Variants in RASSF5 observed in about 807,000 individuals in gnomAD.
RASSF5 encodes the protein Ras association domain family member 5.
Under a neutral mutation model 40.5 loss-of-function variants are expected in RASSF5, and 25 were observed. That is an observed-to-expected ratio of 0.62 (90% CI 0.45 to 0.86). The LOEUF (loss-of-function observed/expected upper bound fraction) is 0.86. Among genes scored for constraint, RASSF5 ranks in the 40% least tolerant of loss-of-function variants. RASSF5 has a pLI of 0.00. For missense variants in RASSF5, 521 were observed against 572.8 expected, an observed-to-expected ratio of 0.91 and a Z score of 0.92; for synonymous variants, 246 against 252.4, an observed-to-expected ratio of 0.97 and a Z score of 0.24.
intron 2 of RASSF5, among the ~76,000 whole-genome samples, chr1:206,565,625 GT>G (rs1668268637): frequency 6.6e-6 from 1 of 152,220 alleles, no homozygotes. Context: ...TCCATGAAGT[GT>G]TTGGATGGAG....
At chr1:206,577,060 C>T (rs978646756) in intron 2 of RASSF5, among the ~76,000 whole-genome samples, 4 of 152,012 alleles carry the variant, frequency 2.6e-5, no homozygotes, top group Admixed American at 2.0e-4. Context: ...ATCATCCTGC[C>T]TTGGCCTCTC....
At position 206,535,718 on chromosome 1, in the gene RASSF5, GTGTGT is replaced by G. The variant is rs1558503510; in HGVS notation, c.458-2453_458-2449del. ...GTGTGTGTGTCTGTGTGTGTGTGGT[GTGTGT>G]GTGTGTGTGTGTGTGTGTGTGAGAG... is the stretch of plus-strand genomic sequence containing the variant. On this transcript the variant is annotated intron_variant, in intron 1 of 5. Transcript: ENST00000579436. This position sits in a 1 kb window ranked among gnomAD's most constrained non-coding sequence, Gnocchi z 5.0. 0.044 allele frequency among the ~76,000 whole-genome samples: 5,038 copies of G among 114,026 alleles called. 97 individuals carry two copies. The highest frequency in any genetic ancestry group is 0.062 in the Non-Finnish European group (3,119 of 50,576). The allele number at this position is 114,026 out of a possible 152,430, so 74.8% of individuals were successfully genotyped here. A position where few individuals can be genotyped will look rare whatever the true frequency, so the allele number is the denominator to read the frequency against.
chr1:206,556,132 G>T (rs1572337273), intron 2 of RASSF5, among the ~76,000 whole-genome samples: 1 of 152,200 alleles, frequency 6.6e-6, no homozygotes, highest in African/African-American at 2.4e-5. Context: ...TTTCCCTGCC[G>T]GGACTCCAGC....
At chr1:206,583,015 A>C in intron 2 of RASSF5, 1 of 420,404 alleles carries the variant, frequency 2.4e-6, no homozygotes, top group Non-Finnish European at 4.5e-6. Flanking sequence ...TGCAGTAGGT[A>C]TTGTTCCCAT....
At chr1:206,586,433 G>A (rs1439030561) in intron 5 of RASSF5, 1 of 186,082 alleles carries the variant, frequency 5.4e-6, no homozygotes, top group Non-Finnish European at 1.1e-5. Flanking sequence ...TGGGAGAGGT[G>A]GAGTCAGGCC....
intron 1 of RASSF5, among the ~76,000 whole-genome samples, chr1:206,534,946 C>T (rs1667340666): frequency 6.6e-6 from 1 of 152,166 alleles, no homozygotes; most frequent in South Asian, 2.1e-4. Flanking sequence ...AAACTGAGCA[C>T]CTGGCCGGGT....
chr1:206,572,619 T>C (rs1668487482), intron 2 of RASSF5: 1 of 152,198 alleles, frequency 6.6e-6, no homozygotes, highest in Admixed American at 6.5e-5. Context: ...CTGGAAAGTA[T>C]GGTCACTTCT....
chr1:206,582,293 C>G (rs1668920999), intron 2 of RASSF5, among the ~76,000 whole-genome samples: 1 of 152,142 alleles, frequency 6.6e-6, no homozygotes, highest in Admixed American at 6.5e-5. Flanking sequence ...ACTTATCCTT[C>G]CCAGGGGGTG....
Position 206,560,444 on chromosome 1 carries a change from C to T in RASSF5, c.579+22151C>T, listed in dbSNP as rs531409268. ...CAGGAGACAGCAAGGGAGATGGGGGCACCAGGCCCTGGGCCCTAGCTTGGT... is the reference window on the plus strand; with the variant it reads ...CAGGAGACAGCAAGGGAGATGGGGGTACCAGGCCCTGGGCCCTAGCTTGGT... On this transcript the variant is annotated intron_variant, in intron 2 of 5. Transcript: ENST00000579436. The surrounding 1 kb of genome is among the most constrained non-coding windows in gnomAD (Gnocchi z 5.1). Among the ~76,000 whole-genome samples, 1 of 152,342 alleles carries T rather than the reference C, an allele frequency of 6.6e-6. No homozygotes were observed. The highest frequency in any genetic ancestry group is 2.1e-4 in the South Asian group (1 of 4,830).
intron 2 of RASSF5, 110 bp from the exon 3 acceptor site, chr1:206,583,159 G>A (rs1170358745): frequency 1.4e-6 from 1 of 731,470 alleles, no homozygotes; most frequent in African/African-American, 1.7e-5. Context: ...CCACTCTGCA[G>A]GGCTGGATGC....
chr1:206,540,685 T>C (rs1366462018), intron 2 of RASSF5, among the ~76,000 whole-genome samples: 1 of 152,242 alleles, frequency 6.6e-6, no homozygotes, highest in Non-Finnish European at 1.5e-5. Context: ...CTGTTTGTGC[T>C]CATTTCCGCC....
chr1:206,524,080 A>T (rs1422480413), intron 1 of RASSF5, among the ~76,000 whole-genome samples: 1 of 129,486 alleles, frequency 7.7e-6, no homozygotes, highest in Non-Finnish European at 1.5e-5. Context: ...AATATATTTT[A>T]TATATAATAT....
At chr1:206,578,212 G>A (rs936000729) in intron 2 of RASSF5, among the ~76,000 whole-genome samples, 2 of 129,472 alleles carry the variant, frequency 1.5e-5, no homozygotes, top group Admixed American at 1.6e-4. Context: ...GGTGACAGAG[G>A]GAGACATCTC....
chr1:206,525,211 C>T (rs901667859), intron 1 of RASSF5, among the ~76,000 whole-genome samples: 3 of 152,074 alleles, frequency 2.0e-5, no homozygotes, highest in Admixed American at 2.0e-4. Flanking sequence ...TGTGCCTGCC[C>T]GAGAGGCACA....
At chr1:206,515,547 A>G (rs1260665331) in intron 1 of RASSF5, among the ~76,000 whole-genome samples, 1 of 152,146 alleles carries the variant, frequency 6.6e-6, no homozygotes, top group African/African-American at 2.4e-5. Flanking sequence ...AAATTAACAG[A>G]CTGGATCCTA....
At chr1:206,576,003 A>G (rs1668635154) in intron 2 of RASSF5, among the ~76,000 whole-genome samples, 2 of 152,166 alleles carry the variant, frequency 1.3e-5, no homozygotes, top group African/African-American at 2.4e-5. Flanking sequence ...CTGCCACCCA[A>G]TCAACAGGTA....
At chr1:206,562,569 G>A (rs1246191601) in intron 2 of RASSF5, among the ~76,000 whole-genome samples, 1 of 152,126 alleles carries the variant, frequency 6.6e-6, no homozygotes, top group Non-Finnish European at 1.5e-5. Flanking sequence ...GCCCTTCCCA[G>A]TATTGTCCGT....
At chr1:206,548,051 T>G (rs79651072) in intron 2 of RASSF5, among the ~76,000 whole-genome samples, 3,145 of 152,314 alleles carry the variant, frequency 0.021, 115 homozygotes, top group East Asian at 0.19. Flanking sequence ...AGGTTGGCAC[T>G]TTTTTTCTTT....
intron 2 of RASSF5, among the ~76,000 whole-genome samples, chr1:206,567,081 T>C (rs1262095494): frequency 6.6e-6 from 1 of 152,148 alleles, no homozygotes; most frequent in Non-Finnish European, 1.5e-5. Flanking sequence ...TCCCACTGAG[T>C]GAGCAGAAAA....
Sources: gnomAD v4.1 joint callset for allele counts (sites outside exome capture counted in the v4.1 genomes callset) on GRCh38, gnomAD v4.1.1 for gene constraint, Gnocchi (gnomAD v3.1) non-coding constraint, MANE v1.5 for transcripts, NCBI Gene and HGNC (gene_info 2026-07-23, HGNC 2026-07-21) for gene names.